Variants in MYPN observed in about 807,000 individuals in gnomAD.
MYPN encodes the protein sarcomeric protein myopalladin, 145 kDa (MYOP).
In MYPN, 63 loss-of-function variants were observed where a neutral mutation model predicts 129.4. The observed-to-expected ratio is 0.49, with a 90% CI of 0.40 to 0.60. The LOEUF is 0.60. Ranked by LOEUF, MYPN falls within the 20% of genes least tolerant of loss-of-function variation. The pLI is 0.00. For synonymous variants in MYPN, 629 were observed against 600.9 expected (o/e 1.05, Z -0.68); for missense variants, 1,596 against 1,635.4 (o/e 0.98, Z 0.42).
chr10:68,188,922 C>T lies in MYPN; in HGVS notation c.2721C>T (p.Ser907=), dbSNP rs1205533144. 2 of 1,613,790 alleles carry T rather than the reference C, an allele frequency of 1.2e-6. No homozygotes were observed. The highest frequency in any genetic ancestry group is 8.5e-7 in the Non-Finnish European group (1 of 1,179,946). ...RPNQQEYKIS[S]FEQRLMNEIE... is the part of the protein sequence containing the mutation. The stretch of plus-strand genomic sequence containing the variant: ...TTTGACAGGAGTACAAAATTTCAAG[C>T]TTTGAGCAGAGGCTGATGAATGAAA... Residue 907 remains serine, a synonymous_variant, in exon 13 of 20, where the codon AGC becomes AGT. Coordinates refer to ENST00000358913, the MANE Select transcript of MYPN (RefSeq NM_032578.4).
At chr10:68,161,652 C>G (rs945123716) in intron 7 of MYPN, 77 bp from the exon 8 acceptor site, 13 of 1,174,670 alleles carry the variant, frequency 1.1e-5, no homozygotes, top group Non-Finnish European at 1.6e-5. Context: ...CTGTGAAATT[C>G]TATAGGAAGC....
chr10:68,186,928 G>A (rs1371172594), intron 12 of MYPN, among the ~76,000 whole-genome samples: 6 of 152,088 alleles, frequency 3.9e-5, no homozygotes, highest in Non-Finnish European at 7.4e-5. Context: ...AAGTTTGATG[G>A]GCAGGCTATG....
intron 3 of MYPN, 61 bp downstream of exon 3, chr10:68,143,176 A>G (rs2042604506): frequency 6.6e-7 from 1 of 1,522,496 alleles, no homozygotes; most frequent in African/African-American, 1.4e-5. Context: ...TATAATAAAT[A>G]AATATTTATT....
chr10:68,123,265 C>A (rs1160515231), intron 2 of MYPN, among the ~76,000 whole-genome samples: 2 of 152,020 alleles, frequency 1.3e-5, no homozygotes, highest in Non-Finnish European at 2.9e-5. Context: ...GTAATGCCAA[C>A]TATTCAGGTG....
chr10:68,125,310 C>G (rs2042308357), intron 2 of MYPN, among the ~76,000 whole-genome samples: 1 of 152,198 alleles, frequency 6.6e-6, no homozygotes, highest in Non-Finnish European at 1.5e-5. Context: ...TCTTTACTGA[C>G]AGCAATCATG....
intron 10 of MYPN, among the ~76,000 whole-genome samples, chr10:68,171,567 A>T (rs1265994584): frequency 1.3e-5 from 2 of 152,244 alleles, no homozygotes; most frequent in African/African-American, 4.8e-5. Flanking sequence ...CCTACATTTG[A>T]AAAGATAATA....
Position 68,136,209 on chromosome 10 carries a change from G to C in MYPN, c.903-6731G>C, listed in dbSNP as rs794729070. On this transcript the variant is annotated intron_variant, in intron 2 of 19. Coordinates refer to ENST00000358913, the MANE Select transcript of MYPN (RefSeq NM_032578.4). The stretch of plus-strand genomic sequence containing the variant: ...TCAGTGTCTTCCTTCTTTCTTCCCA[G>C]GCTTGCTAGCTAGCCAAATGAGCAG... The C allele has an allele frequency of 2.0e-6, 2 of 985,904 alleles. No individual in the cohort carries two copies. The highest frequency in any genetic ancestry group is 2.4e-6 in the Non-Finnish European group (2 of 830,420). The allele number at this position is 985,904 out of a possible 1,614,324, so 61.1% of individuals were successfully genotyped here. A position where few individuals can be genotyped will look rare whatever the true frequency, so the allele number is the denominator to read the frequency against.
intron 10 of MYPN, among the ~76,000 whole-genome samples, chr10:68,173,404 C>CT (rs2043171792): frequency 6.6e-6 from 1 of 152,160 alleles, no homozygotes; most frequent in Non-Finnish European, 1.5e-5. Context: ...AACATTGTCT[C>CT]TATTTCTCTT....
intron 1 of MYPN, among the ~76,000 whole-genome samples, chr10:68,099,521 G>A (rs12776545): frequency 6.6e-6 from 1 of 151,962 alleles, no homozygotes; most frequent in Non-Finnish European, 1.5e-5. Flanking sequence ...TGTCATCCCA[G>A]CCTCATGTCT....
At chr10:68,152,932 G>C (rs980540264) in intron 6 of MYPN, among the ~76,000 whole-genome samples, 6 of 151,392 alleles carry the variant, frequency 4.0e-5, no homozygotes, top group Non-Finnish European at 7.4e-5. Flanking sequence ...ACCACACCCG[G>C]CTAACATTTA....
intron 1 of MYPN, among the ~76,000 whole-genome samples, chr10:68,095,349 C>CA (rs34153833): frequency 0.087 from 10,006 of 114,578 alleles, 745 homozygotes; most frequent in East Asian, 0.31. Flanking sequence ...GTCCCTGTCT[C>CA]AAAAAAAAAA....
Position 68,188,958 on chromosome 10 carries a change from C to T in MYPN, c.2757C>T (p.Arg919=), listed in dbSNP as rs1203596284. The T allele has an allele frequency of 6.2e-7, 1 of 1,614,112 alleles. No individual in the cohort carries two copies. Among genetic ancestry groups the T allele is most frequent in the South Asian group, 1.1e-5 (1 of 91,076 alleles). ...GGCTGATGAATGAAATAGAGTTTCGCTTGGAACGTACTCCTGTTGATGAAT... is the reference window on the plus strand; with the variant it reads ...GGCTGATGAATGAAATAGAGTTTCGTTTGGAACGTACTCCTGTTGATGAAT... ...EQRLMNEIEF[R]LERTPVDESD... The change falls in exon 13 of 20, where the codon CGC becomes CGT. Residue 919 remains arginine, a synonymous_variant. Coordinates refer to ENST00000358913, the MANE Select transcript of MYPN (RefSeq NM_032578.4).
At chr10:68,173,579 TTTATTTA>T (rs2043175788) in intron 10 of MYPN, among the ~76,000 whole-genome samples, 4 of 36,276 alleles carry the variant, frequency 1.1e-4, no homozygotes, top group Non-Finnish European at 1.5e-4. Flanking sequence ...AGTTATTTTA[TTTATTTA>T]TTTATTTATT....
chr10:68,168,861 C>G (rs753184852), intron 10 of MYPN, among the ~76,000 whole-genome samples: 2 of 151,826 alleles, frequency 1.3e-5, no homozygotes, highest in Non-Finnish European at 2.9e-5. Flanking sequence ...GGTGTGGTGG[C>G]GCGTGCCTTT....
Position 68,121,868 on chromosome 10 carries a change from A to G in MYPN, c.430A>G (p.Thr144Ala), listed in dbSNP as rs2042248304. Residue 144 changes from threonine (T) to alanine (A), a missense_variant, in exon 2 of 20, where the codon ACC becomes GCC. Thr to Ala is a moderately conservative substitution (Grantham distance 58, BLOSUM62 0). Coordinates refer to ENST00000358913, the MANE Select transcript of MYPN (RefSeq NM_032578.4). ...EAKRPQYCSE[T>A]QSKKVFLNKA... is the part of the protein sequence containing the mutation. ...AAAAAGGCCACAGTATTGTTCTGAA[A>G]CCCAGTCCAAAAAAGTATTTTTAAA... is the stretch of plus-strand genomic sequence containing the variant. The G allele has an allele frequency of 6.2e-7, 1 of 1,614,172 alleles. No individual in the cohort carries two copies. Among genetic ancestry groups the G allele is most frequent in the Non-Finnish European group, 8.5e-7 (1 of 1,180,032 alleles).
chr10:68,149,475 T>C (rs1028653611), intron 5 of MYPN, among the ~76,000 whole-genome samples: 9 of 152,000 alleles, frequency 5.9e-5, no homozygotes, highest in African/African-American at 2.2e-4. Context: ...TTTCAAAAAA[T>C]TATTTGTAGA....
chr10:68,148,916 G>A (rs550642320), intron 5 of MYPN, among the ~76,000 whole-genome samples: 1 of 152,292 alleles, frequency 6.6e-6, no homozygotes, highest in South Asian at 2.1e-4. Flanking sequence ...CATGCTTATT[G>A]TAAAAACACT....
intron 1 of MYPN, among the ~76,000 whole-genome samples, chr10:68,090,436 A>AT (rs1246824060): frequency 6.6e-6 from 1 of 152,192 alleles, no homozygotes; most frequent in East Asian, 1.9e-4. Context: ...AAGTGCTAGG[A>AT]TTACAGGCGT....
intron 12 of MYPN, among the ~76,000 whole-genome samples, chr10:68,186,976 T>C (rs1343745011): frequency 6.6e-6 from 1 of 152,166 alleles, no homozygotes; most frequent in African/African-American, 2.4e-5. Context: ...GGATGAGTCC[T>C]AGATTTAGGG....
Sources: allele counts gnomAD v4.1 joint callset (sites outside exome capture counted in the v4.1 genomes callset), GRCh38; gene constraint gnomAD v4.1.1; transcripts MANE v1.5; gene names NCBI Gene and HGNC (gene_info 2026-07-23, HGNC 2026-07-21).